The following RGPD3 variants were observed in gnomAD, a reference collection of about 807,000 sequenced individuals.
RGPD3 encodes RANBP2 like and GRIP domain containing 3, also known as ranBP2-like and GRIP domain-containing protein 3.
In RGPD3, 62 loss-of-function variants were observed where a neutral mutation model predicts 154.5. That is an observed-to-expected ratio of 0.40 (90% CI 0.33 to 0.50). RGPD3 has a LOEUF of 0.50. RGPD3 is among the 20% of genes least tolerant of loss of function. RGPD3 has a pLI of 0.59. For missense variants in RGPD3, 919 were observed against 1,716.8 expected (o/e 0.54, Z 8.21); for synonymous variants, 308 against 607.0 (o/e 0.51, Z 7.24).
chr2:106,405,249 A>G lies in RGPD3; in HGVS notation c.5267-20T>C, dbSNP rs767954169. On this transcript the variant is annotated intron_variant, in intron 22 of 22. Transcript: ENST00000409886. The stretch of plus-strand genomic sequence containing the variant: ...CCTCACCTTTGGAAAGTAAAACAAA[A>G]AAAAAGAAAAAAGAGAGTATTAAAA... The G allele has an allele frequency of 1.2e-5, 19 of 1,606,002 alleles. No individual in the cohort carries two copies. The highest frequency in any genetic ancestry group is 1.3e-5 in the Non-Finnish European group (15 of 1,178,176).
chr2:106,450,881 C>CAAAAAA (rs56400357), intron 6 of RGPD3, among the ~76,000 whole-genome samples: 1 of 38,370 alleles, frequency 2.6e-5, no homozygotes, highest in Non-Finnish European at 4.8e-5. Context: ...GACTCAGTCT[C>CAAAAAA]AAAAAAAAAA....
chr2:106,407,288 T>G (rs1424707336), intron 22 of RGPD3, among the ~76,000 whole-genome samples: 1 of 152,084 alleles, frequency 6.6e-6, no homozygotes, highest in Admixed American at 6.5e-5. Flanking sequence ...ATCTATCATT[T>G]TTGCTGTATT....
At chr2:106,406,979 T>A (rs1249872665) in intron 22 of RGPD3, among the ~76,000 whole-genome samples, 1 of 151,922 alleles carries the variant, frequency 6.6e-6, no homozygotes, top group Admixed American at 6.6e-5. Flanking sequence ...ACTTAGTACC[T>A]TAACACATAT....
intron 4 of RGPD3, among the ~76,000 whole-genome samples, chr2:106,454,720 G>A (rs1247055645): frequency 6.6e-6 from 1 of 152,048 alleles, no homozygotes; most frequent in Non-Finnish European, 1.5e-5. Context: ...CATTACATAT[G>A]TTCTTTAACA....
Position 106,425,162 on chromosome 2 carries a change from C to T in RGPD3, c.2805G>A (p.Lys935=), listed in dbSNP as rs565711610. 5.0e-6 allele frequency: 8 copies of T among 1,611,872 alleles called. No individual in the cohort carries two copies. In the East Asian group the frequency reaches 1.8e-4, roughly 36 times the overall value. The part of the protein sequence containing the change: ...FGISEPGNQE[K]KSEKPLENDT... Reference sequence around the variant, plus strand: ...CATTTTCAAGAGGCTTTTCACTTTTCTTTTCTTGATTTCCTGGTTCCGAAA... The same window carrying T: ...CATTTTCAAGAGGCTTTTCACTTTTTTTTTCTTGATTTCCTGGTTCCGAAA... The change falls in exon 20 of 23, where the codon AAG becomes AAA. Residue 935 remains lysine, a synonymous_variant. Transcript: ENST00000409886.
chr2:106,429,097 C>G (rs530441443), intron 18 of RGPD3, among the ~76,000 whole-genome samples: 6 of 152,026 alleles, frequency 3.9e-5, no homozygotes, highest in African/African-American at 1.2e-4. Context: ...CACAAATGCT[C>G]ATAGTAATTA....
chr2:106,407,304 G>T (rs1169321050), intron 22 of RGPD3, among the ~76,000 whole-genome samples: 2 of 151,980 alleles, frequency 1.3e-5, no homozygotes, highest in Non-Finnish European at 2.9e-5. Context: ...GTATTCTACT[G>T]GTTAAAAATA....
chr2:106,437,472 A>G (rs1158540912), intron 9 of RGPD3, among the ~76,000 whole-genome samples: 5 of 151,990 alleles, frequency 3.3e-5, no homozygotes, highest in Non-Finnish European at 7.4e-5. Context: ...AGATTGCGCC[A>G]CTGCGCTCCA....
chr2:106,438,119 G>T (rs961817509), intron 9 of RGPD3, among the ~76,000 whole-genome samples: 15 of 151,126 alleles, frequency 9.9e-5, no homozygotes, highest in African/African-American at 3.6e-4. Context: ...GTAGAGACGG[G>T]GTTTCACCAT....
intron 22 of RGPD3, among the ~76,000 whole-genome samples, chr2:106,407,529 G>A (rs1472054407): frequency 6.6e-6 from 1 of 150,864 alleles, no homozygotes. Context: ...CAGGAATAAA[G>A]AGAACCAGAT....
upstream of RGPD3, chr2:106,468,417 G>A: frequency 6.6e-7 from 1 of 1,510,704 alleles, no homozygotes; most frequent in East Asian, 2.5e-5. Flanking sequence ...CCACTGTGAC[G>A]AACTTGTGTC....
intron 1 of RGPD3, among the ~76,000 whole-genome samples, chr2:106,466,264 C>T (rs972189330): frequency 2.0e-5 from 3 of 151,994 alleles, no homozygotes; most frequent in South Asian, 4.1e-4. Flanking sequence ...GCAAGCGCCG[C>T]GCCGCCCACA....
At chr2:106,448,831 T>C (rs1678013727) in intron 6 of RGPD3, among the ~76,000 whole-genome samples, 1 of 151,512 alleles carries the variant, frequency 6.6e-6, no homozygotes, top group Non-Finnish European at 1.5e-5. Flanking sequence ...GCTGGGACTA[T>C]AGGCGCGTAC....
chr2:106,442,531 C>T lies in RGPD3; in HGVS notation c.979-1151G>A, dbSNP rs533458424. ...AAAAAAAGCATGATGAATAGAATGG[C>T]GAAGGGAAGACGTGACAGCTGCCTT... On this transcript the variant is annotated intron_variant, in intron 7 of 22. Coordinates refer to ENST00000409886, the MANE Select transcript of RGPD3 (RefSeq NM_001144013.2). Among the ~76,000 whole-genome samples the T allele has an allele frequency of 1.6e-3, 212 of 136,084 alleles. 8 individuals carry two copies. In the Middle Eastern group the frequency reaches 0.023, roughly 14 times the overall value. 89.3% of individuals were successfully genotyped at this position (136,084 alleles called of 152,430 possible).
chr2:106,416,080 C>T (rs1676820099), intron 20 of RGPD3, 91 bp from the exon 21 acceptor site: 1 of 1,542,008 alleles, frequency 6.5e-7, no homozygotes, highest in African/African-American at 1.4e-5. Context: ...AAATATCTTA[C>T]TATGTGATAT....
Position 106,434,247 on chromosome 2 carries a change from T to C in RGPD3, c.2186A>G (p.Asn729Ser). Residue 729 changes from asparagine (N) to serine (S), a missense_variant, in exon 15 of 23, where the codon AAT becomes AGT. Coordinates refer to ENST00000409886, the MANE Select transcript of RGPD3 (RefSeq NM_001144013.2). Reference protein sequence around the residue: ...LIKILDDSDSNLSVVKKLPVP... With the variant: ...LIKILDDSDSSLSVVKKLPVP... ...ACTTACTTTCTTGACCACTGAAAGA[T>C]TTGAATCACTGTCATCTAAAATCTT... is the stretch of plus-strand genomic sequence containing the variant. 1.9e-6 allele frequency: 3 copies of C among 1,591,392 alleles called. No homozygotes were observed. The highest frequency in any genetic ancestry group is 1.1e-5 in the South Asian group (1 of 90,384).
In RGPD3 at chr2:106,423,632, AGCTAAAT is replaced by A. The variant is rs750611465; in HGVS notation, c.4328_4334del (p.His1443LeufsTer29). 3.7e-6 allele frequency: 6 copies of A among 1,600,316 alleles called. No homozygotes were observed. The Admixed American group carries it at 8.5e-5, about 23-fold the overall frequency. On this transcript the variant is annotated frameshift_variant, in exon 20 of 23. Transcript: ENST00000409886. LOFTEE classifies it high-confidence loss of function. ...CAACATCCTGTAGTTTAAAACGAAC[AGCTAAAT>A]GCTCTACTTTTCTTTCTCCATCTGC... is the stretch of plus-strand genomic sequence containing the variant.
chr2:106,410,937 C>T (rs1216857339), intron 22 of RGPD3, among the ~76,000 whole-genome samples: 34 of 151,604 alleles, frequency 2.2e-4, no homozygotes, highest in Non-Finnish European at 4.4e-5. Flanking sequence ...AACATTCCTC[C>T]TTCATCATTA....
upstream of RGPD3, among the ~76,000 whole-genome samples, chr2:106,469,838 G>C (rs1264150208): frequency 6.6e-6 from 1 of 152,052 alleles, no homozygotes; most frequent in Non-Finnish European, 1.5e-5. Context: ...AGGCTAACTG[G>C]TCTCCTTATC....
Sources: allele counts gnomAD v4.1 joint callset (sites outside exome capture counted in the v4.1 genomes callset), GRCh38; gene constraint gnomAD v4.1.1; transcripts MANE v1.5; gene names NCBI Gene and HGNC (gene_info 2026-07-23, HGNC 2026-07-21).